Variants in RYR3 observed in about 807,000 individuals in gnomAD.
RYR3 encodes the protein brain ryanodine receptor-calcium release channel.
RYR3 carries 207 observed loss-of-function variants against 584.3 expected under a neutral mutation model. The ratio of observed to expected loss-of-function variants is 0.35; its 90% confidence interval spans 0.32 to 0.40. The LOEUF is 0.40. RYR3 is among the 10% of genes least tolerant of loss of function. The probability of loss-of-function intolerance (pLI) is 1.00; values close to 1 mark genes in which losing one functional copy is unlikely to be tolerated. For synonymous variants in RYR3, 2,416 were observed against 2,248.5 expected (o/e 1.07, Z -2.11); for missense variants, 5,616 against 6,089.2 (o/e 0.92, Z 2.59).
chr15:33,425,893 T>C (rs540108910), intron 1 of RYR3, among the ~76,000 whole-genome samples: 276 of 152,212 alleles, frequency 1.8e-3, no homozygotes, highest in East Asian at 6.6e-3. Context: ...CCGCCCGCCT[T>C]GGCCTCCCAA....
At position 33,734,692 on chromosome 15, in the gene RYR3, T is replaced by C. The variant is rs1324796735; in HGVS notation, c.7425-1543T>C. Among the ~76,000 whole-genome samples the C allele has an allele frequency of 3.5e-5, 5 of 143,380 alleles. No homozygotes were observed. In the East Asian group the frequency reaches 6.0e-4, roughly 17 times the overall value. The allele number at this position is 143,380 out of a possible 152,430, so 94.1% of individuals were successfully genotyped here. On this transcript the variant is annotated intron_variant, in intron 48 of 103. Coordinates refer to ENST00000634891, the MANE Select transcript of RYR3 (RefSeq NM_001036.6). ...GGAGAAATTCGATTTTTTTTTCTTT[T>C]TTTTTTTTTTTTTTTGAGACAGAGT... is the stretch of plus-strand genomic sequence containing the variant.
chr15:33,865,059 G>GAACAAA, intron 103 of RYR3, 72 bp from the exon 104 acceptor site: 1 of 1,208,324 alleles, frequency 8.3e-7, no homozygotes, highest in Admixed American at 1.8e-5. Context: ...GAGCCACAAA[G>GAACAAA]AACAAAAACA....
At chr15:33,528,956 A>G (rs2054619589) in intron 3 of RYR3, among the ~76,000 whole-genome samples, 1 of 152,216 alleles carries the variant, frequency 6.6e-6, no homozygotes, top group African/African-American at 2.4e-5. Context: ...TTTGAGATGT[A>G]GGACTGTTTT....
chr15:33,434,228 A>T (rs1462473159), intron 1 of RYR3, among the ~76,000 whole-genome samples: 28 of 152,102 alleles, frequency 1.8e-4, no homozygotes, highest in Non-Finnish European at 4.1e-4. Context: ...TTTCAGTAAA[A>T]ATATTGTCTA....
intron 1 of RYR3, among the ~76,000 whole-genome samples, chr15:33,397,232 G>T (rs904649379): frequency 6.6e-6 from 1 of 152,206 alleles, no homozygotes; most frequent in Non-Finnish European, 1.5e-5. Flanking sequence ...AGGAGGAGGG[G>T]TAGGGATAGG....
chr15:33,658,163 A>T (rs186815947), intron 32 of RYR3, among the ~76,000 whole-genome samples: 252 of 152,252 alleles, frequency 1.7e-3, no homozygotes, highest in African/African-American at 6.0e-3. Flanking sequence ...TCTCACAAGG[A>T]TATTGTTAAG....
At chr15:33,442,587 A>T (rs546706229) in intron 1 of RYR3, among the ~76,000 whole-genome samples, 2 of 152,350 alleles carry the variant, frequency 1.3e-5, no homozygotes, top group African/African-American at 2.4e-5. Flanking sequence ...GATAACAAAG[A>T]CAGTTAAAAC....
chr15:33,365,547 C>T (rs1403651836), intron 1 of RYR3, among the ~76,000 whole-genome samples: 1 of 151,962 alleles, frequency 6.6e-6, no homozygotes, highest in Non-Finnish European at 1.5e-5. Flanking sequence ...AGAAAAAACT[C>T]AAAAAAGCCA....
At chr15:33,322,125 A>T (rs1223889641) in intron 1 of RYR3, among the ~76,000 whole-genome samples, 1 of 152,214 alleles carries the variant, frequency 6.6e-6, no homozygotes, top group Admixed American at 6.5e-5. Context: ...CTTGGACAAC[A>T]TTGGCATCTG....
intron 1 of RYR3, among the ~76,000 whole-genome samples, chr15:33,446,636 C>T (rs2046692181): frequency 6.6e-6 from 1 of 152,180 alleles, no homozygotes; most frequent in East Asian, 1.9e-4. Flanking sequence ...ACCGTATGAC[C>T]TGATTTTACC....
At position 33,647,419 on chromosome 15, in the gene RYR3, C is replaced by T. The variant is rs74005925; in HGVS notation, c.3942-5C>T. On this transcript the variant is annotated splice_polypyrimidine_tract_variant and splice_region_variant and intron_variant, in intron 29 of 103. Coordinates refer to ENST00000634891, the MANE Select transcript of RYR3 (RefSeq NM_001036.6). The stretch of plus-strand genomic sequence containing the variant: ...TAACTAAAACATGGATTATCTTTCC[C>T]CCAGGAAACAGATGCAAGAAATACT... 1.2e-6 allele frequency: 2 copies of T among 1,606,204 alleles called. No individual in the cohort carries two copies.
At position 33,462,552 on chromosome 15, in the gene RYR3, C is replaced by G. The variant is rs565139651; in HGVS notation, c.52-10867C>G. Among the ~76,000 whole-genome samples, 7 of 152,130 alleles carry G rather than the reference C, an allele frequency of 4.6e-5. No individual in the cohort carries two copies. The South Asian group carries it at 8.3e-4, about 18-fold the overall frequency. On this transcript the variant is annotated intron_variant, in intron 1 of 103. Transcript: ENST00000634891. ...GGGTTGTCGTTGGTCAGTTGTATGG[C>G]CCAGGGAAGACATTATGTCTTAACA...
intron 67 of RYR3, among the ~76,000 whole-genome samples, chr15:33,796,026 A>G (rs2152925462): frequency 6.6e-6 from 1 of 152,250 alleles, no homozygotes. Flanking sequence ...GAGGCTTTGG[A>G]ACAAAGCTGA....
intron 2 of RYR3, among the ~76,000 whole-genome samples, chr15:33,475,418 C>T (rs184965623): frequency 6.6e-6 from 1 of 152,188 alleles, no homozygotes; most frequent in Non-Finnish European, 1.5e-5. Context: ...CACCTCAGAT[C>T]ATCGGGCATT....
intron 62 of RYR3, among the ~76,000 whole-genome samples, chr15:33,771,206 C>T (rs564137295): frequency 2.0e-5 from 3 of 152,246 alleles, no homozygotes; most frequent in Admixed American, 6.5e-5. Context: ...GGTCTTACAT[C>T]GGAAGAGTTT....
intron 1 of RYR3, among the ~76,000 whole-genome samples, chr15:33,320,676 C>T (rs536064763): frequency 3.7e-4 from 57 of 152,284 alleles, no homozygotes; most frequent in African/African-American, 1.3e-3. Flanking sequence ...CTTGTTTTCT[C>T]ATGTTAAATG....
At chr15:33,679,495 T>G (rs1238637950) in intron 38 of RYR3, among the ~76,000 whole-genome samples, 1 of 152,202 alleles carries the variant, frequency 6.6e-6, no homozygotes, top group Non-Finnish European at 1.5e-5. Context: ...TTTAACCCAA[T>G]GAAGCCAAAG....
chr15:33,571,983 G>C (rs1240981951), intron 12 of RYR3, among the ~76,000 whole-genome samples: 2 of 151,918 alleles, frequency 1.3e-5, no homozygotes, highest in Admixed American at 1.3e-4. Context: ...TCTCTTAGTG[G>C]TTGCTCTAGG....
intron 2 of RYR3, among the ~76,000 whole-genome samples, chr15:33,502,417 G>A (rs1298681414): frequency 6.6e-6 from 1 of 152,164 alleles, no homozygotes; most frequent in African/African-American, 2.4e-5. Flanking sequence ...GAAGTGTTAG[G>A]CATGGCTGTC....
Sources: gnomAD v4.1 joint callset for allele counts (sites outside exome capture counted in the v4.1 genomes callset) on GRCh38, gnomAD v4.1.1 for gene constraint, MANE v1.5 for transcripts, NCBI Gene and HGNC (gene_info 2026-07-23, HGNC 2026-07-21) for gene names.